Variants in NSUN6 observed in about 807,000 individuals in gnomAD.
NSUN6 encodes NOP2/Sun RNA methyltransferase 6.
In NSUN6, 64 loss-of-function variants were observed where a neutral mutation model predicts 58.0. The ratio of observed to expected loss-of-function variants is 1.10; its 90% CI spans 0.90 to 1.36. The LOEUF (loss-of-function observed/expected upper bound fraction) is 1.36, where lower values mean the gene tolerates loss of function less well. NSUN6 is among the 40% of genes most tolerant of loss of function. The pLI, the probability that NSUN6 is intolerant of heterozygous loss-of-function variation, is 0.00. For missense variants in NSUN6, 701 were observed against 550.1 expected (o/e 1.27, Z -2.74); for synonymous variants, 231 against 193.9 (o/e 1.19, Z -1.59).
intron 2 of NSUN6, among the ~76,000 whole-genome samples, chr10:18,646,012 T>C (rs895723630): frequency 5.0e-4 from 76 of 152,180 alleles, no homozygotes; most frequent in African/African-American, 1.8e-3. Flanking sequence ...CTGGCCAACA[T>C]GGTGAAATCC....
At chr10:18,599,618 G>A (rs188622076) in intron 6 of NSUN6, among the ~76,000 whole-genome samples, 191 of 152,224 alleles carry the variant, frequency 1.3e-3, no homozygotes, top group Non-Finnish European at 2.4e-3. Flanking sequence ...TTACCACATA[G>A]CTGCACATTA....
upstream of NSUN6, among the ~76,000 whole-genome samples, chr10:18,655,951 T>C (rs2059772791): frequency 6.6e-6 from 1 of 152,206 alleles, no homozygotes; most frequent in African/African-American, 2.4e-5. Context: ...TACGGCTAGT[T>C]TGATCTAGTA....
At chr10:18,593,938 G>A (rs1393103352) in intron 7 of NSUN6, among the ~76,000 whole-genome samples, 1 of 151,552 alleles carries the variant, frequency 6.6e-6, no homozygotes, top group Non-Finnish European at 1.5e-5. Flanking sequence ...AGTGGCTCAT[G>A]CCTGTAATCC....
intron 3 of NSUN6, among the ~76,000 whole-genome samples, chr10:18,618,706 C>T (rs964081818): frequency 7.1e-6 from 1 of 141,510 alleles, no homozygotes; most frequent in Non-Finnish European, 1.5e-5. Context: ...AAAAAAGAAA[C>T]GTAAAGTGCT....
chr10:18,572,134 C>G (rs1589907946), intron 8 of NSUN6, among the ~76,000 whole-genome samples: 1 of 151,756 alleles, frequency 6.6e-6, no homozygotes, highest in African/African-American at 2.4e-5. Flanking sequence ...AATCTCCATT[C>G]CCTTCCATTC....
chr10:18,550,852 G>A (rs1306197406), intron 9 of NSUN6, among the ~76,000 whole-genome samples: 1 of 151,496 alleles, frequency 6.6e-6, no homozygotes, highest in Non-Finnish European at 1.5e-5. Context: ...AACCTCCCGA[G>A]TAGCTGGGAC....
intron 1 of NSUN6, among the ~76,000 whole-genome samples, chr10:18,648,877 G>A (rs756210378): frequency 6.6e-6 from 1 of 152,146 alleles, no homozygotes; most frequent in East Asian, 1.9e-4. Flanking sequence ...AAAGGGCTTA[G>A]AAAAACATTG....
chr10:18,572,263 C>T lies in NSUN6; in HGVS notation c.922+13686G>A, dbSNP rs978825522. Reference sequence around the variant, plus strand: ...ATTGCATTGTCCATTCCATCCCATTCTCCATTCCATTCCCTTCCATTCTCC... The same window carrying T: ...ATTGCATTGTCCATTCCATCCCATTTTCCATTCCATTCCCTTCCATTCTCC... On this transcript the variant is annotated intron_variant, in intron 8 of 10. Transcript: ENST00000377304. Among the ~76,000 whole-genome samples, 101 of 142,972 alleles carry T rather than the reference C, an allele frequency of 7.1e-4. 1 individual carries two copies. The highest frequency in any genetic ancestry group is 3.0e-3 in the African/African-American group (100 of 33,702). 93.8% of individuals were successfully genotyped at this position (142,972 alleles called of 152,430 possible). A position where few individuals can be genotyped will look rare whatever the true frequency, so the allele number is the denominator to read the frequency against.
At position 18,611,248 on chromosome 10, in the gene NSUN6, T is replaced by A. The variant is rs1348522402; in HGVS notation, c.576-1322A>T. ...TCATAACTTATACCTAGTTTAAGGG[T>A]ACAATCCAAGGAGAGTCCCATTAGG... On this transcript the variant is annotated intron_variant, in intron 5 of 10. Transcript: ENST00000377304. 2.0e-5 allele frequency among the ~76,000 whole-genome samples: 3 copies of A among 152,044 alleles called. No homozygotes were observed. In the East Asian group the frequency reaches 5.8e-4, roughly 29 times the overall value.
intron 9 of NSUN6, among the ~76,000 whole-genome samples, chr10:18,549,290 C>A (rs572446534): frequency 1.3e-5 from 2 of 152,196 alleles, no homozygotes; most frequent in Admixed American, 6.5e-5. Flanking sequence ...TTTGGCAACA[C>A]TGGCCTCCTG....
chr10:18,577,566 A>T (rs555797350), intron 8 of NSUN6, among the ~76,000 whole-genome samples: 1 of 152,292 alleles, frequency 6.6e-6, no homozygotes, highest in East Asian at 1.9e-4. Context: ...CTCCTTTTGG[A>T]AAATCAAGCA....
Position 18,555,688 on chromosome 10 carries a change from G to A in NSUN6, c.923-3717C>T, listed in dbSNP as rs563489375. On this transcript the variant is annotated intron_variant, in intron 8 of 10. Transcript: ENST00000377304. ...GGAATGGATGATGGTATGGAGAATG[G>A]AATGGACAGTGGAATGGAATGGAGA... Among the ~76,000 whole-genome samples, 23 of 139,348 alleles carry A rather than the reference G, an allele frequency of 1.7e-4. No individual in the cohort carries two copies. The South Asian group carries it at 2.2e-3, about 13-fold the overall frequency. 91.4% of individuals were successfully genotyped at this position (139,348 alleles called of 152,430 possible). A position where few individuals can be genotyped will look rare whatever the true frequency, so the allele number is the denominator to read the frequency against.
At chr10:18,643,561 A>G (rs927369161) in intron 2 of NSUN6, among the ~76,000 whole-genome samples, 2 of 152,186 alleles carry the variant, frequency 1.3e-5, no homozygotes, top group African/African-American at 2.4e-5. Context: ...ATAAAACTTC[A>G]TATCTACCAA....
chr10:18,632,880 A>G (rs1454084165), intron 3 of NSUN6, among the ~76,000 whole-genome samples: 2 of 152,148 alleles, frequency 1.3e-5, no homozygotes, highest in African/African-American at 4.8e-5. Flanking sequence ...TAGAAATACC[A>G]TTTGACCCAG....
intron 2 of NSUN6, among the ~76,000 whole-genome samples, chr10:18,644,921 G>T (rs1391311395): frequency 6.6e-6 from 1 of 151,726 alleles, no homozygotes; most frequent in Non-Finnish European, 1.5e-5. Flanking sequence ...ACTCTGTGAG[G>T]CCGAAGCAGG....
Position 18,649,627 on chromosome 10 carries a change from C to CAAAAA in NSUN6, c.76-987_76-983dup, listed in dbSNP as rs1267244250. Reference sequence around the variant, plus strand: ...TGGGCAACAGAGGGAGACCCTGTCTCAAAAAAAAAAAAAAAAGGCATAAAA... The same window carrying CAAAAA: ...TGGGCAACAGAGGGAGACCCTGTCTCAAAAAAAAAAAAAAAAAAAAAGGCATAAAA... On this transcript the variant is annotated intron_variant, in intron 1 of 10. Coordinates refer to ENST00000377304, the MANE Select transcript of NSUN6 (RefSeq NM_182543.5). Among the ~76,000 whole-genome samples, 41 of 96,282 alleles carry CAAAAA rather than the reference C, an allele frequency of 4.3e-4. 1 individual carries two copies. Among genetic ancestry groups the CAAAAA allele is most frequent in the Non-Finnish European group, 8.4e-5 (4 of 47,688 alleles). The allele number at this position is 96,282 out of a possible 152,430, so 63.2% of individuals were successfully genotyped here. A position where few individuals can be genotyped will look rare whatever the true frequency, so the allele number is the denominator to read the frequency against.
At chr10:18,575,788 G>A (rs1011985469) in intron 8 of NSUN6, among the ~76,000 whole-genome samples, 6 of 152,186 alleles carry the variant, frequency 3.9e-5, no homozygotes, top group South Asian at 2.1e-4. Context: ...TTTACACTCC[G>A]CTGCTGATAC....
chr10:18,602,476 C>T (rs1474457631), intron 6 of NSUN6, among the ~76,000 whole-genome samples: 4 of 152,026 alleles, frequency 2.6e-5, no homozygotes, highest in Admixed American at 6.6e-5. Context: ...ACTCGTGATC[C>T]GCCCACCTTG....
At chr10:18,601,038 A>C (rs1473166518) in intron 6 of NSUN6, among the ~76,000 whole-genome samples, 2 of 145,752 alleles carry the variant, frequency 1.4e-5, no homozygotes, top group East Asian at 2.0e-4. Flanking sequence ...ACAGATTTCA[A>C]GGTGTAACTA....
Sources: allele counts gnomAD v4.1 joint callset (sites outside exome capture counted in the v4.1 genomes callset), GRCh38; gene constraint gnomAD v4.1.1; transcripts MANE v1.5; gene names NCBI Gene and HGNC (gene_info 2026-07-23, HGNC 2026-07-21).